FOXP1: variants seen among roughly 807,000 people sequenced by gnomAD.
FOXP1 encodes forkhead box P1.
A neutral mutation model predicts 98.2 loss-of-function variants in FOXP1; 15 were observed. The ratio of observed to expected loss-of-function variants is 0.15; its 90% CI spans 0.10 to 0.24. The LOEUF is 0.24. Ranked by LOEUF, FOXP1 falls within the 10% of genes least tolerant of loss-of-function variation. The pLI is 1.00. For synonymous variants in FOXP1, 371 were observed against 314.5 expected (o/e 1.18, Z -1.90); for missense variants, 633 against 848.5 (o/e 0.75, Z 3.15).
chr3:71,477,522 G>T (rs529714558), intron 3 of FOXP1, among the ~76,000 whole-genome samples: 1 of 152,166 alleles, frequency 6.6e-6, no homozygotes, highest in Non-Finnish European at 1.5e-5. Flanking sequence ...TAAAATTTTT[G>T]ATTCAAATAA....
At chr3:71,410,850 T>A (rs934094255) in intron 3 of FOXP1, among the ~76,000 whole-genome samples, 5 of 152,202 alleles carry the variant, frequency 3.3e-5, no homozygotes, top group African/African-American at 1.2e-4. Flanking sequence ...CAAACATTGT[T>A]CTATGGCTTT....
chr3:71,561,407 CAAAAAAA>C (rs56792827), intron 2 of FOXP1, among the ~76,000 whole-genome samples: 1 of 40,310 alleles, frequency 2.5e-5, no homozygotes, highest in African/African-American at 6.1e-5. Flanking sequence ...TAAAGCTGGC[CAAAAAAA>C]AAAAAAAAAA....
chr3:71,488,655 T>G (rs572476039), intron 3 of FOXP1, among the ~76,000 whole-genome samples: 1 of 152,328 alleles, frequency 6.6e-6, no homozygotes, highest in East Asian at 1.9e-4. Flanking sequence ...TTGTATTGGG[T>G]TAGGAACTGG....
At chr3:71,003,260 G>A (rs2042341852) in intron 12 of FOXP1, among the ~76,000 whole-genome samples, 1 of 152,238 alleles carries the variant, frequency 6.6e-6, no homozygotes, top group Non-Finnish European at 1.5e-5. Context: ...TGAAGATAAT[G>A]AAACGCAGTG....
intron 7 of FOXP1, among the ~76,000 whole-genome samples, chr3:71,056,165 G>A (rs936509302): frequency 2.0e-5 from 3 of 152,142 alleles, no homozygotes; most frequent in South Asian, 2.1e-4. Context: ...TTGAGCGCAC[G>A]TAAATCATCC....
intron 2 of FOXP1, among the ~76,000 whole-genome samples, chr3:71,506,704 C>T (rs866933209): frequency 5.3e-5 from 8 of 152,180 alleles, no homozygotes; most frequent in African/African-American, 1.4e-4. Context: ...CCAGCTACCA[C>T]GTTTGCCCTT....
intron 14 of FOXP1, among the ~76,000 whole-genome samples, chr3:70,987,553 G>A (rs1273526803): frequency 6.6e-6 from 1 of 152,166 alleles, no homozygotes; most frequent in Non-Finnish European, 1.5e-5. Flanking sequence ...GAGTTAGACT[G>A]GACTACTACT....
intron 3 of FOXP1, among the ~76,000 whole-genome samples, chr3:71,415,285 A>G (rs1386222741): frequency 6.6e-6 from 1 of 152,042 alleles, no homozygotes; most frequent in African/African-American, 2.4e-5. Context: ...AGAAATGAGG[A>G]TCCCAGCAAT....
intron 6 of FOXP1, among the ~76,000 whole-genome samples, chr3:71,143,610 T>C (rs192247081): frequency 6.6e-6 from 1 of 152,122 alleles, no homozygotes; most frequent in East Asian, 1.9e-4. Context: ...ATACATAAAT[T>C]AGGCTGGGCA....
rs1220848036 is a variant in FOXP1, at chr3:71,277,597, A to G, written c.-12+22223T>C. On this transcript the variant is annotated intron_variant, in intron 5 of 20. Coordinates refer to ENST00000649528, the MANE Select transcript of FOXP1 (RefSeq NM_001349338.3). ...TGCAGCCTCTAACTCCTCCCTGCAT[A>G]TTATATTCCAGCCATGCAGGCCTTA... Among the ~76,000 whole-genome samples the G allele has an allele frequency of 4.6e-5, 7 of 152,102 alleles. No homozygotes were observed. The East Asian group carries it at 1.2e-3, about 25-fold the overall frequency.
At chr3:71,313,589 T>G (rs930949564) in intron 4 of FOXP1, among the ~76,000 whole-genome samples, 1 of 149,962 alleles carries the variant, frequency 6.7e-6, no homozygotes, top group Non-Finnish European at 1.5e-5. Context: ...GCAGTGGCGC[T>G]ATCTCTGCTC....
rs191433472 is a variant in FOXP1, at chr3:71,125,486, T to C, written c.181-12849A>G. On this transcript the variant is annotated intron_variant, in intron 6 of 20. Transcript: ENST00000649528. Reference sequence around the variant, plus strand: ...TCTAAACCACACAAAAAGGTAACTTTGTAATGAACTTTAGAAAGATTACAT... The same window carrying C: ...TCTAAACCACACAAAAAGGTAACTTCGTAATGAACTTTAGAAAGATTACAT... 2.0e-5 allele frequency among the ~76,000 whole-genome samples: 3 copies of C among 152,342 alleles called. No homozygotes were observed. In the East Asian group the frequency reaches 5.8e-4, roughly 29 times the overall value.
At chr3:71,365,750 C>T (rs2078879954) in intron 3 of FOXP1, among the ~76,000 whole-genome samples, 2 of 152,160 alleles carry the variant, frequency 1.3e-5, no homozygotes, top group African/African-American at 4.8e-5. Context: ...TTTGGGAGGC[C>T]AAGCCCGGCA....
chr3:71,246,193 T>C (rs2067733614), intron 5 of FOXP1, among the ~76,000 whole-genome samples: 1 of 151,962 alleles, frequency 6.6e-6, no homozygotes, highest in Non-Finnish European at 1.5e-5. Flanking sequence ...CCGTGGCTGC[T>C]CTTGAAAGCA....
intron 3 of FOXP1, among the ~76,000 whole-genome samples, chr3:71,474,574 C>T (rs1023866826): frequency 6.6e-6 from 1 of 152,158 alleles, no homozygotes; most frequent in Non-Finnish European, 1.5e-5. Context: ...TGAGCTCTGC[C>T]TCCTGTCACA....
chr3:70,979,316 A>AAAAAGAAAG (rs2038341620), intron 14 of FOXP1, among the ~76,000 whole-genome samples: 1 of 96,510 alleles, frequency 1.0e-5, no homozygotes, highest in African/African-American at 4.3e-5. Flanking sequence ...AAAAAAAAAA[A>AAAAAGAAAG]AAAAGAAAAA....
chr3:71,524,943 T>C (rs1403777344), intron 2 of FOXP1, among the ~76,000 whole-genome samples: 1 of 152,172 alleles, frequency 6.6e-6, no homozygotes, highest in African/African-American at 2.4e-5. Context: ...CATGGCTAAG[T>C]GGACACTTGA....
intron 6 of FOXP1, among the ~76,000 whole-genome samples, chr3:71,181,060 AAG>A (rs1274467050): frequency 1.3e-4 from 20 of 152,348 alleles, no homozygotes; most frequent in Admixed American, 3.3e-4. Flanking sequence ...CCTGTCAAAT[AAG>A]AATTCGTACT....
At chr3:71,183,253 G>A (rs944173239) in intron 6 of FOXP1, among the ~76,000 whole-genome samples, 1 of 152,100 alleles carries the variant, frequency 6.6e-6, no homozygotes, top group African/African-American at 2.4e-5. Flanking sequence ...CAGCACTTTG[G>A]GAGGCCGAGG....
Sources: gnomAD v4.1 joint callset for allele counts (sites outside exome capture counted in the v4.1 genomes callset) on GRCh38, gnomAD v4.1.1 for gene constraint, MANE v1.5 for transcripts, NCBI Gene and HGNC (gene_info 2026-07-23, HGNC 2026-07-21) for gene names.